PLEKHH2: variants seen among roughly 807,000 people sequenced by gnomAD.
PLEKHH2 encodes the protein pleckstrin homology domain-containing family H member 2.
PLEKHH2 carries 129 observed loss-of-function variants against 187.9 expected under a neutral mutation model. That is an observed-to-expected ratio of 0.69 (90% confidence interval 0.59 to 0.79). PLEKHH2 has a LOEUF of 0.79. Among genes scored for constraint, PLEKHH2 ranks in the 30% least tolerant of loss-of-function variants. PLEKHH2 has a pLI of 0.00. For synonymous variants in PLEKHH2, 686 were observed against 605.6 expected, an observed-to-expected ratio of 1.13 and a Z score of -1.95; for missense variants, 2,076 against 1,751.2, an observed-to-expected ratio of 1.19 and a Z score of -3.31.
In PLEKHH2 at chr2:43,700,471, A is replaced by C; in HGVS notation, c.1513A>C (p.Thr505Pro). ...TACAGAAGTTTTAGAGAATATGGAC[A>C]CGAGTTGTGATGATGGATTATTTTC... The part of the protein sequence containing the change: ...DSTEVLENMD[T>P]SCDDGLFSYD... The change falls in exon 8 of 30, where the codon ACG becomes CCG. Residue 505 changes from threonine to proline, a missense_variant. By Grantham distance (38) the Thr-to-Pro change is conservative (BLOSUM62 -1). Transcript: ENST00000282406. 1 of 1,614,116 alleles carries C rather than the reference A, an allele frequency of 6.2e-7. No homozygotes were observed. The highest frequency in any genetic ancestry group is 1.1e-5 in the South Asian group (1 of 91,084).
At chr2:43,671,104 C>T (rs911270738) in intron 2 of PLEKHH2, among the ~76,000 whole-genome samples, 3 of 151,894 alleles carry the variant, frequency 2.0e-5, no homozygotes, top group Non-Finnish European at 2.9e-5. Flanking sequence ...CTGCCTCTGC[C>T]CCCCACTGAG....
chr2:43,694,402 A>T, intron 4 of PLEKHH2, 29 bp from the exon 5 acceptor site: 1 of 1,538,666 alleles, frequency 6.5e-7, no homozygotes, highest in Middle Eastern at 1.7e-4. Context: ...TTTATGTTTG[A>T]ACTAAACAAA....
At chr2:43,677,884 C>T (rs1261424663) in intron 2 of PLEKHH2, among the ~76,000 whole-genome samples, 10 of 144,730 alleles carry the variant, frequency 6.9e-5, no homozygotes, top group African/African-American at 2.3e-4. Context: ...GGGGGCTGAT[C>T]TCCCCACCTC....
chr2:43,699,981 T>A lies in PLEKHH2; in HGVS notation c.1023T>A (p.Phe341Leu). The change falls in exon 8 of 30, where the codon TTT becomes TTA. Residue 341 changes from phenylalanine to leucine, a missense_variant. Coordinates refer to ENST00000282406, the MANE Select transcript of PLEKHH2 (RefSeq NM_172069.4). ...DSSSIFEEET[F>L]GIKRPEHKKL... ...GCTCTATATTTGAGGAAGAGACTTT[T>A]GGCATAAAGAGACCAGAACACAAGA... 6.2e-7 allele frequency: 1 copy of A among 1,614,208 alleles called. No individual in the cohort carries two copies. The highest frequency in any genetic ancestry group is 1.3e-5 in the African/African-American group (1 of 75,056).
At chr2:43,694,139 C>T (rs1387010172) in intron 4 of PLEKHH2, among the ~76,000 whole-genome samples, 5 of 152,090 alleles carry the variant, frequency 3.3e-5, no homozygotes, top group African/African-American at 1.2e-4. Flanking sequence ...CTAGACCATT[C>T]CCAGAAATGG....
chr2:43,678,457 C>A (rs568171456), intron 2 of PLEKHH2, among the ~76,000 whole-genome samples: 1 of 152,190 alleles, frequency 6.6e-6, no homozygotes, highest in Non-Finnish European at 1.5e-5. Flanking sequence ...TCTGCAATCC[C>A]GGCACCTCAG....
intron 20 of PLEKHH2, 125 bp downstream of exon 20, chr2:43,738,645 T>C: frequency 2.2e-6 from 2 of 903,108 alleles, no homozygotes; most frequent in Non-Finnish European, 3.2e-6. Flanking sequence ...AAATAGGTAT[T>C]AATATTTTGA....
intron 3 of PLEKHH2, 164 bp from the exon 4 acceptor site, chr2:43,692,350 G>T (rs1016029294): frequency 1.9e-5 from 10 of 528,124 alleles, no homozygotes; most frequent in Non-Finnish European, 3.3e-5. Flanking sequence ...TGGTGAAATA[G>T]GCTTGAGACT....
At chr2:43,676,340 A>G (rs1249834741) in intron 2 of PLEKHH2, 1 of 1,571,162 alleles carries the variant, frequency 6.4e-7, no homozygotes, top group Non-Finnish European at 8.6e-7. Context: ...GCGTTAGGAC[A>G]GTGTGCCAGG....
At chr2:43,680,132 T>C (rs574670662) in intron 3 of PLEKHH2, among the ~76,000 whole-genome samples, 1 of 152,204 alleles carries the variant, frequency 6.6e-6, no homozygotes, top group Non-Finnish European at 1.5e-5. Context: ...ATCTCAGTCA[T>C]ATTCAGTTTA....
chr2:43,640,950 ATTT>A (rs58200065), intron 1 of PLEKHH2, among the ~76,000 whole-genome samples: 10 of 115,774 alleles, frequency 8.6e-5, no homozygotes, highest in African/African-American at 3.4e-4. Flanking sequence ...TGCCTGGCTA[ATTT>A]TTTTTTTTTT....
At chr2:43,659,156 T>G (rs1666940214) in intron 2 of PLEKHH2, among the ~76,000 whole-genome samples, 1 of 150,524 alleles carries the variant, frequency 6.6e-6, no homozygotes, top group African/African-American at 2.5e-5. Context: ...TATATATATA[T>G]TTTTTTCTTT....
chr2:43,731,059 C>A (rs909376513), intron 18 of PLEKHH2, among the ~76,000 whole-genome samples: 1 of 152,108 alleles, frequency 6.6e-6, no homozygotes, highest in African/African-American at 2.4e-5. Flanking sequence ...ACATGTCTCA[C>A]TCATAAATGG....
At chr2:43,740,807 T>A in intron 20 of PLEKHH2, 139 bp from the exon 21 acceptor site, 1 of 1,374,954 alleles carries the variant, frequency 7.3e-7, no homozygotes, top group Non-Finnish European at 9.4e-7. Context: ...TGATAAATGC[T>A]GTAAACAGAT....
Position 43,738,321 on chromosome 2 carries a change from T to C in PLEKHH2, c.2944-20T>C. The stretch of plus-strand genomic sequence containing the variant: ...CTAATCACTCCTCACCTTGAATATA[T>C]CTTTTTTTGTTTAATTCAGACCTGC... On this transcript the variant is annotated intron_variant, in intron 19 of 29. Transcript: ENST00000282406. 6.3e-7 allele frequency: 1 copy of C among 1,584,368 alleles called. No individual in the cohort carries two copies. Among genetic ancestry groups the C allele is most frequent in the Non-Finnish European group, 8.6e-7 (1 of 1,158,764 alleles).
intron 18 of PLEKHH2, among the ~76,000 whole-genome samples, chr2:43,730,834 C>T (rs1671002301): frequency 6.6e-6 from 1 of 152,164 alleles, no homozygotes; most frequent in Admixed American, 6.5e-5. Context: ...TTAGGAATGC[C>T]TTCAAGTTCC....
At chr2:43,701,435 G>A (rs1300330966) in intron 8 of PLEKHH2, among the ~76,000 whole-genome samples, 2 of 152,144 alleles carry the variant, frequency 1.3e-5, no homozygotes, top group African/African-American at 4.8e-5. Flanking sequence ...AATTACTGGA[G>A]GTTCCTCCAT....
intron 3 of PLEKHH2, among the ~76,000 whole-genome samples, chr2:43,689,034 A>G (rs1387590559): frequency 6.6e-6 from 1 of 152,180 alleles, no homozygotes; most frequent in African/African-American, 2.4e-5. Context: ...ACCATAAGTC[A>G]GACCATTAGC....
chr2:43,693,029 G>C (rs1295889934), intron 4 of PLEKHH2, among the ~76,000 whole-genome samples: 2 of 152,190 alleles, frequency 1.3e-5, no homozygotes, highest in Non-Finnish European at 2.9e-5. Flanking sequence ...ACAGGTTCAA[G>C]TGATTCTTGT....
Sources: gnomAD v4.1 joint callset for allele counts (sites outside exome capture counted in the v4.1 genomes callset) on GRCh38, gnomAD v4.1.1 for gene constraint, MANE v1.5 for transcripts, NCBI Gene and HGNC (gene_info 2026-07-23, HGNC 2026-07-21) for gene names.